Variants in CCDC171 observed in about 807,000 individuals in gnomAD.
The protein encoded by CCDC171 is coiled-coil domain-containing protein 171.
Under a neutral mutation model 168.2 loss-of-function variants are expected in CCDC171, and 177 were observed. The ratio of observed to expected loss-of-function variants is 1.05; its 90% CI spans 0.93 to 1.19. The LOEUF is 1.19. Among genes scored for constraint, CCDC171 ranks in the 50% most tolerant of loss-of-function variants. The probability of loss-of-function intolerance (pLI) is 0.00; values close to 1 mark genes in which losing one functional copy is unlikely to be tolerated. For missense variants in CCDC171, 1,991 were observed against 1,539.0 expected, an observed-to-expected ratio of 1.29 and a Z score of -4.91; for synonymous variants, 687 against 540.8, an observed-to-expected ratio of 1.27 and a Z score of -3.75.
At chr9:15,784,830 G>A (rs2057855311) in intron 21 of CCDC171, 136 bp downstream of exon 21, 1 of 616,140 alleles carries the variant, frequency 1.6e-6, no homozygotes, top group African/African-American at 1.9e-5. Context: ...AATGAAACAT[G>A]TTTCTGAGAC....
chr9:15,829,551 C>T (rs143549450), intron 21 of CCDC171, among the ~76,000 whole-genome samples: 84 of 152,230 alleles, frequency 5.5e-4, no homozygotes, highest in African/African-American at 1.9e-3. Context: ...AAGTCTGATT[C>T]CCATGTGTTT....
chr9:15,874,880 T>G (rs1036702072), intron 24 of CCDC171: 1 of 377,586 alleles, frequency 2.6e-6, no homozygotes, highest in Non-Finnish European at 4.4e-6. Flanking sequence ...TCCAGAAAAG[T>G]GTTTTTACCA....
At chr9:15,700,298 A>C (rs185186523) in intron 11 of CCDC171, among the ~76,000 whole-genome samples, 614 of 152,322 alleles carry the variant, frequency 4.0e-3, no homozygotes, top group African/African-American at 0.013. Context: ...TAAGCCCCTC[A>C]TTGCCCGGGG....
chr9:15,585,205 T>C (rs1422318745), intron 4 of CCDC171, among the ~76,000 whole-genome samples: 1 of 151,306 alleles, frequency 6.6e-6, no homozygotes. Flanking sequence ...AAAATAAACA[T>C]GGATTTATCT....
intron 3 of CCDC171, among the ~76,000 whole-genome samples, chr9:15,575,523 T>C (rs1266018467): frequency 1.3e-5 from 2 of 152,186 alleles, no homozygotes; most frequent in Non-Finnish European, 2.9e-5. Context: ...GACTAATCAG[T>C]AGGCTTTATG....
chr9:15,643,716 T>G (rs2046816737), intron 7 of CCDC171, among the ~76,000 whole-genome samples: 1 of 152,240 alleles, frequency 6.6e-6, no homozygotes, highest in Non-Finnish European at 1.5e-5. Flanking sequence ...TAGCAGCTAC[T>G]GCCCTTTTCG....
intron 24 of CCDC171, among the ~76,000 whole-genome samples, chr9:15,906,675 C>T (rs1275303982): frequency 6.6e-6 from 1 of 152,066 alleles, no homozygotes; most frequent in Non-Finnish European, 1.5e-5. Flanking sequence ...CTGGCCAGGG[C>T]AATCAGGCAG....
At chr9:15,984,438 G>GTATA (rs765557276) in intron 3 of CCDC171, among the ~76,000 whole-genome samples, 91 of 150,668 alleles carry the variant, frequency 6.0e-4, no homozygotes, top group East Asian at 2.7e-3. Flanking sequence ...ATGTGTGTGT[G>GTATA]TATATATATA....
At chr9:15,670,149 G>A (rs952136899) in intron 9 of CCDC171, among the ~76,000 whole-genome samples, 2 of 151,942 alleles carry the variant, frequency 1.3e-5, no homozygotes, top group African/African-American at 4.8e-5. Flanking sequence ...TTCTTGGTTG[G>A]GAGTTTAGCA....
At chr9:16,060,684 A>T (rs913328921) in exon 2 of CCDC171, 1 of 152,234 alleles carries the variant, frequency 6.6e-6, no homozygotes, top group African/African-American at 2.4e-5. Flanking sequence ...TTCCATACCC[A>T]CTAACCATGC....
chr9:16,095,019 C>T, the CCDC171 span, among the ~76,000 whole-genome samples: 24 of 152,150 alleles, frequency 1.6e-4, no homozygotes, highest in Non-Finnish European at 2.6e-4. Flanking sequence ...CCATGTGAGA[C>T]GTGTATGCTT....
At chr9:15,609,078 A>C (rs979312450) in intron 6 of CCDC171, among the ~76,000 whole-genome samples, 1 of 149,250 alleles carries the variant, frequency 6.7e-6, no homozygotes, top group African/African-American at 2.5e-5. Flanking sequence ...GGCAATTTAC[A>C]TTATGTATGA....
At chr9:15,643,421 T>C (rs1428947232) in intron 7 of CCDC171, among the ~76,000 whole-genome samples, 1 of 152,212 alleles carries the variant, frequency 6.6e-6, no homozygotes, top group East Asian at 1.9e-4. Context: ...GCTTTATACC[T>C]ACAACCTCTG....
chr9:15,908,054 G>A (rs568653918), intron 24 of CCDC171, among the ~76,000 whole-genome samples: 2,040 of 151,802 alleles, frequency 0.013, 28 homozygotes, highest in Non-Finnish European at 0.02. Context: ...TACACTGTTG[G>A]TGGGACTGTA....
chr9:15,645,780 C>G (rs2046987602), intron 7 of CCDC171, among the ~76,000 whole-genome samples: 1 of 152,170 alleles, frequency 6.6e-6, no homozygotes, highest in South Asian at 2.1e-4. Context: ...ATTGGTGTAC[C>G]TGAAAGTGAC....
At chr9:16,059,130 T>C (rs1297956767) in intron 1 of CCDC171, among the ~76,000 whole-genome samples, 3 of 152,234 alleles carry the variant, frequency 2.0e-5, no homozygotes, top group African/African-American at 7.2e-5. Flanking sequence ...TGATGAGCCA[T>C]GTTCTTGGGT....
chr9:15,874,305 C>G (rs76263132), intron 23 of CCDC171, among the ~76,000 whole-genome samples: 84 of 152,012 alleles, frequency 5.5e-4, no homozygotes, highest in African/African-American at 1.9e-3. Context: ...CTCTTCTTCC[C>G]CTCCCTCATT....
upstream of CCDC171, among the ~76,000 whole-genome samples, chr9:16,042,530 G>A (rs995615798): frequency 1.3e-4 from 20 of 152,202 alleles, no homozygotes; most frequent in African/African-American, 4.8e-4. Flanking sequence ...TAAATAAAGT[G>A]AATTATAACC....
intron 16 of CCDC171, among the ~76,000 whole-genome samples, chr9:15,742,313 C>T (rs545564765): frequency 2.0e-5 from 3 of 152,328 alleles, no homozygotes; most frequent in African/African-American, 7.2e-5. Context: ...TAGTGTAGCA[C>T]ATAAGGTACT....
Sources: allele counts gnomAD v4.1 joint callset (sites outside exome capture counted in the v4.1 genomes callset), GRCh38; gene constraint gnomAD v4.1.1; transcripts MANE v1.5; gene names NCBI Gene and HGNC (gene_info 2026-07-23, HGNC 2026-07-21).